CFAP20DC: variants seen among roughly 807,000 people sequenced by gnomAD.
The protein encoded by CFAP20DC is CFAP20 domain containing, also known as protein CFAP20DC.
In CFAP20DC, 84 loss-of-function variants were observed where a neutral mutation model predicts 101.7. The observed-to-expected ratio is 0.83, with a 90% CI of 0.69 to 0.99. CFAP20DC has a LOEUF of 0.99. Among genes scored for constraint, CFAP20DC ranks in the 50% least tolerant of loss-of-function variants. CFAP20DC has a pLI of 0.00. For synonymous variants in CFAP20DC, 359 were observed against 351.2 expected (o/e 1.02, Z -0.25); for missense variants, 1,007 against 970.3 (o/e 1.04, Z -0.50).
At chr3:58,822,337 A>AAAC (rs775040751) in intron 14 of CFAP20DC, among the ~76,000 whole-genome samples, 1,671 of 141,686 alleles carry the variant, frequency 0.012, 44 homozygotes, top group African/African-American at 0.042. Context: ...ACAAACAAAC[A>AAAC]AAAAAAACCA....
intron 15 of CFAP20DC, among the ~76,000 whole-genome samples, chr3:58,782,662 C>A (rs936911199): frequency 9.2e-5 from 14 of 151,766 alleles, no homozygotes; most frequent in African/African-American, 2.9e-4. Flanking sequence ...GAAAGCAATT[C>A]CATTTACAAG....
Position 58,994,061 on chromosome 3 carries a change from A to C in CFAP20DC, c.278+45496T>G, listed in dbSNP as rs544893238. ...TACACCAACTTCATGGTGAATTTCC[A>C]AGGAGACACTTTCATCTGCCTCAAT... On this transcript the variant is annotated intron_variant, in intron 4 of 16. Coordinates refer to ENST00000482387, the MANE Select transcript of CFAP20DC (RefSeq NM_001394063.1). Among the ~76,000 whole-genome samples the C allele has an allele frequency of 3.3e-5, 5 of 152,276 alleles. No individual in the cohort carries two copies. The East Asian group carries it at 7.7e-4, about 23-fold the overall frequency.
intron 14 of CFAP20DC, among the ~76,000 whole-genome samples, chr3:58,827,352 C>G (rs2076108547): frequency 6.9e-6 from 1 of 144,684 alleles, no homozygotes; most frequent in South Asian, 2.1e-4. Context: ...GAACACAGGG[C>G]ATGGCTCACC....
At chr3:59,036,116 T>C (rs1024849805) in intron 4 of CFAP20DC, among the ~76,000 whole-genome samples, 5 of 152,144 alleles carry the variant, frequency 3.3e-5, no homozygotes, top group Non-Finnish European at 7.4e-5. Flanking sequence ...TGCTAAAAGT[T>C]CTCCATAAAC....
intron 4 of CFAP20DC, among the ~76,000 whole-genome samples, chr3:58,994,940 T>G (rs920490124): frequency 7.2e-5 from 11 of 152,070 alleles, no homozygotes; most frequent in African/African-American, 2.4e-4. Flanking sequence ...CAGGGGGAGC[T>G]ATGGTACTAT....
chr3:58,903,398 C>A (rs2083319754), intron 6 of CFAP20DC, among the ~76,000 whole-genome samples: 3 of 152,104 alleles, frequency 2.0e-5, no homozygotes. Flanking sequence ...AGAGACTATT[C>A]TCCTTCTATT....
intron 3 of CFAP20DC, chr3:58,726,367 T>A (rs2067551863): frequency 6.6e-6 from 1 of 152,422 alleles, no homozygotes; most frequent in African/African-American, 2.4e-5. Flanking sequence ...CACAGCATGC[T>A]GTCATGGGCT....
chr3:58,992,241 C>T (rs1413150988), intron 4 of CFAP20DC, among the ~76,000 whole-genome samples: 1 of 152,156 alleles, frequency 6.6e-6, no homozygotes, highest in Non-Finnish European at 1.5e-5. Flanking sequence ...AAGATGCCTG[C>T]CTGCAAATGT....
Position 58,888,226 on chromosome 3 carries a change from G to A in CFAP20DC, c.551-3517C>T, listed in dbSNP as rs141460092. Among the ~76,000 whole-genome samples, 766 of 152,262 alleles carry A rather than the reference G, an allele frequency of 5.0e-3. 6 individuals are homozygous for A. The highest frequency in any genetic ancestry group is 7.7e-3 in the Non-Finnish European group (522 of 68,016). ...GTGAGTTCACAGAAAGCATGGTCCA[G>A]TTTCATTTATTTACTCATTGTGTCA... On this transcript the variant is annotated intron_variant, in intron 6 of 16. Coordinates refer to ENST00000482387, the MANE Select transcript of CFAP20DC (RefSeq NM_001394063.1).
At chr3:58,820,674 C>T (rs2075565351) in intron 14 of CFAP20DC, among the ~76,000 whole-genome samples, 1 of 151,392 alleles carries the variant, frequency 6.6e-6, no homozygotes, top group Admixed American at 6.6e-5. Flanking sequence ...ACATTCCATG[C>T]TCATGGGTAG....
chr3:59,004,470 T>A (rs1322223406), intron 4 of CFAP20DC, among the ~76,000 whole-genome samples: 2 of 152,190 alleles, frequency 1.3e-5, no homozygotes, highest in Non-Finnish European at 2.9e-5. Context: ...AAGGCCACTA[T>A]AATGGAAAAT....
intron 15 of CFAP20DC, among the ~76,000 whole-genome samples, chr3:58,761,502 AT>A (rs1299818507): frequency 1.3e-5 from 2 of 151,962 alleles, no homozygotes; most frequent in Non-Finnish European, 2.9e-5. Context: ...GGATTCATTG[AT>A]TTTTTTGAAG....
chr3:58,870,542 T>C (rs1432113382), intron 7 of CFAP20DC, among the ~76,000 whole-genome samples: 2 of 151,544 alleles, frequency 1.3e-5, no homozygotes, highest in East Asian at 3.9e-4. Context: ...CCCCAAGTAA[T>C]TTTTATACTC....
At chr3:58,983,670 T>C (rs1335115160) in intron 4 of CFAP20DC, among the ~76,000 whole-genome samples, 2 of 152,180 alleles carry the variant, frequency 1.3e-5, no homozygotes, top group Non-Finnish European at 2.9e-5. Flanking sequence ...GAAATTGTTA[T>C]AAATATCAAC....
intron 5 of CFAP20DC, among the ~76,000 whole-genome samples, chr3:58,928,117 T>G (rs745496186): frequency 6.6e-6 from 1 of 152,208 alleles, no homozygotes; most frequent in Admixed American, 6.5e-5. Context: ...TAAACATTTA[T>G]TGATCACTTA....
intron 15 of CFAP20DC, among the ~76,000 whole-genome samples, chr3:58,761,632 G>A (rs963347218): frequency 6.6e-6 from 1 of 152,052 alleles, no homozygotes; most frequent in Admixed American, 6.5e-5. Context: ...TGATGTTAGG[G>A]TGTCAATTTT....
chr3:58,889,563 TA>T (rs1464800202), intron 6 of CFAP20DC, among the ~76,000 whole-genome samples: 3 of 151,854 alleles, frequency 2.0e-5, no homozygotes, highest in East Asian at 1.9e-4. Context: ...TTTTTAAATT[TA>T]TTTTTTTATT....
At chr3:59,037,664 C>T (rs184787173) in intron 4 of CFAP20DC, among the ~76,000 whole-genome samples, 10 of 152,224 alleles carry the variant, frequency 6.6e-5, no homozygotes, top group East Asian at 3.9e-4. Flanking sequence ...CAAACAGGAA[C>T]GCTTTTATAC....
Position 58,861,397 on chromosome 3 carries a change from T to C in CFAP20DC, c.1593+2161A>G. ...AAAATAATGCAATTAATAGTAAGGA[T>C]GCCTTAATTAACTAAACTGATTTTT... On this transcript the variant is annotated intron_variant, in intron 12 of 16. Coordinates refer to ENST00000482387, the MANE Select transcript of CFAP20DC (RefSeq NM_001394063.1). The surrounding 1 kb of genome is among the most constrained non-coding windows in gnomAD (Gnocchi z 4.0). The C allele has an allele frequency of 3.9e-6, 3 of 779,130 alleles. No homozygotes were observed. The South Asian group carries it at 1.8e-4, about 46-fold the overall frequency. 48.3% of individuals were successfully genotyped at this position (779,130 alleles called of 1,614,324 possible).
Sources: gnomAD v4.1 joint callset for allele counts (sites outside exome capture counted in the v4.1 genomes callset) on GRCh38, gnomAD v4.1.1 for gene constraint, Gnocchi (gnomAD v3.1) non-coding constraint, MANE v1.5 for transcripts, NCBI Gene and HGNC (gene_info 2026-07-23, HGNC 2026-07-21) for gene names.